The following NEDD4 variants were observed in gnomAD, a reference collection of about 807,000 sequenced individuals.
NEDD4 encodes the protein NEDD4 E3 ubiquitin protein ligase.
NEDD4 carries 99 observed loss-of-function variants against 144.9 expected under a neutral mutation model. That is an observed-to-expected ratio of 0.68 (90% CI 0.58 to 0.81). NEDD4 has a LOEUF of 0.81. Ranked by LOEUF, NEDD4 falls within the 30% of genes least tolerant of loss-of-function variation. The pLI is 0.00. For synonymous variants in NEDD4, 318 were observed against 350.6 expected, an observed-to-expected ratio of 0.91 and a Z score of 1.04; for missense variants, 985 against 1,065.9, an observed-to-expected ratio of 0.92 and a Z score of 1.06.
intron 1 of NEDD4, among the ~76,000 whole-genome samples, chr15:55,969,332 C>A (rs906496547): frequency 6.6e-6 from 1 of 152,126 alleles, no homozygotes; most frequent in South Asian, 2.1e-4. Flanking sequence ...ACTCCAAGAT[C>A]CTAAATAAAC....
intron 18 of NEDD4, among the ~76,000 whole-genome samples, chr15:55,844,468 G>T (rs1217530007): frequency 6.6e-6 from 1 of 152,126 alleles, no homozygotes; most frequent in Non-Finnish European, 1.5e-5. Context: ...TGGAAGAAGA[G>T]GGGGGTACAA....
In NEDD4 at chr15:55,950,138, T is replaced by C. The variant is rs551508518; in HGVS notation, c.237+1238A>G. 4.6e-5 allele frequency among the ~76,000 whole-genome samples: 7 copies of C among 152,320 alleles called. No homozygotes were observed. The South Asian group carries it at 1.0e-3, about 23-fold the overall frequency. Reference sequence around the variant, plus strand: ...AAGTCTGGAATTTATTCTGGTTAAATAGTAAAAACAGAAATTTAGCTTCAT... The same window carrying C: ...AAGTCTGGAATTTATTCTGGTTAAACAGTAAAAACAGAAATTTAGCTTCAT... On this transcript the variant is annotated intron_variant, in intron 4 of 28. Transcript: ENST00000435532.
chr15:55,856,043 G>T, intron 12 of NEDD4, 88 bp downstream of exon 12: 1 of 1,157,230 alleles, frequency 8.6e-7, no homozygotes, highest in Non-Finnish European at 1.3e-6. Context: ...TCCCTGTAAG[G>T]CAAACGTTCA....
Position 55,963,340 on chromosome 15 carries a change from C to T in NEDD4, c.119+3133G>A, listed in dbSNP as rs1046576159. 3.9e-5 allele frequency among the ~76,000 whole-genome samples: 6 copies of T among 152,062 alleles called. No individual in the cohort carries two copies. In the East Asian group the frequency reaches 7.7e-4, roughly 20 times the overall value. Reference sequence around the variant, plus strand: ...AGTGACAGGGTCCCACTTTGTTGCCCAGGCTGGTCTTGAACCTCTGGGCTC... The same window carrying T: ...AGTGACAGGGTCCCACTTTGTTGCCTAGGCTGGTCTTGAACCTCTGGGCTC... On this transcript the variant is annotated intron_variant, in intron 2 of 28. Coordinates refer to ENST00000435532, the MANE Select transcript of NEDD4 (RefSeq NM_006154.4).
In NEDD4 at chr15:55,949,694, C is replaced by T. The variant is rs573775236; in HGVS notation, c.237+1682G>A. Among the ~76,000 whole-genome samples, 58 of 152,138 alleles carry T rather than the reference C, an allele frequency of 3.8e-4. 1 individual carries two copies. Among genetic ancestry groups the T allele is most frequent in the African/African-American group, 1.3e-3 (53 of 41,498 alleles). ...GAAACCATCATTCTCAGCAAACTGTCGCAGGGACAAAAAACCAAACACCTC... is the reference window on the plus strand; with the variant it reads ...GAAACCATCATTCTCAGCAAACTGTTGCAGGGACAAAAAACCAAACACCTC... On this transcript the variant is annotated intron_variant, in intron 4 of 28. Transcript: ENST00000435532.
At chr15:55,842,546 T>A (rs2033563394) in intron 18 of NEDD4, among the ~76,000 whole-genome samples, 1 of 152,134 alleles carries the variant, frequency 6.6e-6, no homozygotes, top group Non-Finnish European at 1.5e-5. Context: ...CCATCATGCC[T>A]GACTAATTTT....
At chr15:55,872,263 T>G (rs1217423542) in intron 7 of NEDD4, among the ~76,000 whole-genome samples, 152 bp downstream of exon 7, 2 of 151,172 alleles carry the variant, frequency 1.3e-5, no homozygotes, top group Non-Finnish European at 2.9e-5. Flanking sequence ...GAAATAGCAA[T>G]GAAGCTTTTA....
intron 5 of NEDD4, among the ~76,000 whole-genome samples, chr15:55,878,646 A>C (rs1344472538): frequency 6.6e-6 from 1 of 152,236 alleles, no homozygotes; most frequent in Admixed American, 6.5e-5. Flanking sequence ...CCTCTAAAAT[A>C]CTTCTTCAAG....
In NEDD4 at chr15:55,840,718, A is replaced by G. The variant is rs1283126369; in HGVS notation, c.1848T>C (p.Tyr616=). Reference sequence around the variant, plus strand: ...CAGAGTTTGGATTTATCTGTAGGGTATAATTGTCCCTGTAAAGACAACCCC... The same window carrying G: ...CAGAGTTTGGATTTATCTGTAGGGTGTAATTGTCCCTGTAAAGACAACCCC... The part of the protein sequence containing the change: ...GLFEYSATDN[Y]TLQINPNSGL... Residue 616 remains tyrosine (Y), a synonymous_variant, in exon 20 of 29, where the codon TAT becomes TAC. Transcript: ENST00000435532. 6 of 1,610,730 alleles carry G rather than the reference A, an allele frequency of 3.7e-6. No homozygotes were observed. In the Admixed American group the frequency reaches 6.7e-5, roughly 18 times the overall value.
At chr15:55,946,557 G>A (rs1489182694) in intron 4 of NEDD4, among the ~76,000 whole-genome samples, 8 of 152,050 alleles carry the variant, frequency 5.3e-5, no homozygotes, top group Non-Finnish European at 7.4e-5. Context: ...CAATAATAAC[G>A]GGAGACTTTA....
chr15:55,957,109 A>G (rs1314151907), intron 2 of NEDD4, among the ~76,000 whole-genome samples: 4 of 152,360 alleles, frequency 2.6e-5, no homozygotes, highest in African/African-American at 9.6e-5. Flanking sequence ...GGATACAGAA[A>G]TATAACTGAT....
At chr15:55,942,430 G>A (rs73418142) in intron 4 of NEDD4, among the ~76,000 whole-genome samples, 3 of 152,148 alleles carry the variant, frequency 2.0e-5, no homozygotes, top group Admixed American at 6.5e-5. Flanking sequence ...ACCGGATCAC[G>A]GAGGCAGACT....
intron 4 of NEDD4, among the ~76,000 whole-genome samples, chr15:55,935,250 C>G (rs1378320942): frequency 1.3e-5 from 2 of 152,138 alleles, no homozygotes; most frequent in African/African-American, 2.4e-5. Flanking sequence ...TCTTTTTAAA[C>G]AGTAGATTAG....
At chr15:55,869,978 G>A (rs557100255) in intron 7 of NEDD4, among the ~76,000 whole-genome samples, 1 of 152,142 alleles carries the variant, frequency 6.6e-6, no homozygotes, top group South Asian at 2.1e-4. Flanking sequence ...TTTGAGTTGG[G>A]GTTAGAAGAC....
intron 2 of NEDD4, among the ~76,000 whole-genome samples, chr15:55,961,094 G>A (rs529465805): frequency 6.6e-6 from 1 of 152,288 alleles, no homozygotes; most frequent in African/African-American, 2.4e-5. Flanking sequence ...GAACAAACTG[G>A]ACACAGACAA....
At chr15:55,888,516 T>A (rs1450232054) in intron 5 of NEDD4, among the ~76,000 whole-genome samples, 1 of 152,162 alleles carries the variant, frequency 6.6e-6, no homozygotes, top group Non-Finnish European at 1.5e-5. Context: ...ATTGTTAAAA[T>A]GCCCATACTA....
chr15:55,943,913 G>A (rs147365706), intron 4 of NEDD4, among the ~76,000 whole-genome samples: 217 of 152,356 alleles, frequency 1.4e-3, no homozygotes, highest in African/African-American at 5.1e-3. Context: ...AGACACAGGG[G>A]TGGAGACACC....
Position 55,834,291 on chromosome 15 carries a change from A to G in NEDD4, c.2263-5T>C. On this transcript the variant is annotated splice_polypyrimidine_tract_variant and splice_region_variant and intron_variant, in intron 24 of 28. Transcript: ENST00000435532. ...TGGTATTAGTTCAAAGAATCCCTAG[A>G]AAAAAGATGTATTTAAAAACTTGAT... 6.3e-7 allele frequency: 1 copy of G among 1,594,188 alleles called. No individual in the cohort carries two copies. Among genetic ancestry groups the G allele is most frequent in the Non-Finnish European group, 8.6e-7 (1 of 1,163,630 alleles).
In NEDD4 at chr15:55,831,294, A is replaced by C. The variant is rs183870894; in HGVS notation, c.2528-708T>G. The stretch of plus-strand genomic sequence containing the variant: ...TGAAATAACTTCTTCCTATAAATAC[A>C]TAAGAATTTGACTTTGTATTCTAAG... On this transcript the variant is annotated intron_variant, in intron 27 of 28. Coordinates refer to ENST00000435532, the MANE Select transcript of NEDD4 (RefSeq NM_006154.4). Among the ~76,000 whole-genome samples the C allele has an allele frequency of 2.0e-5, 3 of 152,352 alleles. No homozygotes were observed. The East Asian group carries it at 5.8e-4, about 29-fold the overall frequency.
Sources: allele counts gnomAD v4.1 joint callset (sites outside exome capture counted in the v4.1 genomes callset), GRCh38; gene constraint gnomAD v4.1.1; transcripts MANE v1.5; gene names NCBI Gene and HGNC (gene_info 2026-07-23, HGNC 2026-07-21).